The following AGPAT2 variants were observed in gnomAD, a reference collection of about 807,000 sequenced individuals.
The protein encoded by AGPAT2 is 1-acylglycerol-3-phosphate O-acyltransferase 2, also known as 1-acyl-sn-glycerol-3-phosphate acyltransferase beta.
Under a neutral mutation model 26.1 loss-of-function variants are expected in AGPAT2, and 18 were observed. The observed-to-expected ratio is 0.69, with a 90% confidence interval of 0.48 to 1.02. AGPAT2 has a LOEUF of 1.02. AGPAT2 is among the 50% of genes least tolerant of loss of function. The pLI, the probability that AGPAT2 is intolerant of heterozygous loss-of-function variation, is 0.00. For missense variants in AGPAT2, 415 were observed against 394.9 expected (o/e 1.05, Z -0.43); for synonymous variants, 200 against 174.2 (o/e 1.15, Z -1.16).
chr9:136,687,227 G>A lies in AGPAT2; in HGVS notation c.131C>T (p.Ala44Val). The change falls in exon 1 of 6, where the codon GCC (alanine) becomes GTC (valine). Residue 44 changes from alanine (A) to valine (V), a missense_variant. Coordinates refer to ENST00000371696, the MANE Select transcript of AGPAT2 (RefSeq NM_006412.4). ...GTGGCGCAGCAGGCAGACGAGCGAGGCCACGGCGGACACCGTGAAGCACAG... is the reference window on the plus strand; with the variant it reads ...GTGGCGCAGCAGGCAGACGAGCGAGACCACGGCGGACACCGTGAAGCACAG... ...CALCFTVSAV[A>V]SLVCLLRHGG... 2 of 1,594,234 alleles carry A rather than the reference G, an allele frequency of 1.3e-6. No homozygotes were observed. The highest frequency in any genetic ancestry group is 1.7e-6 in the Non-Finnish European group (2 of 1,174,488).
intron 4 of AGPAT2, 35 bp downstream of exon 4, chr9:136,676,550 C>G (rs775487348): frequency 1.3e-6 from 2 of 1,581,300 alleles, no homozygotes; most frequent in Non-Finnish European, 1.7e-6. Flanking sequence ...CCTCCCCAGC[C>G]TGCACCCACC....
chr9:136,685,499 C>T (rs1011879024), intron 1 of AGPAT2, among the ~76,000 whole-genome samples: 3 of 152,184 alleles, frequency 2.0e-5, no homozygotes, highest in African/African-American at 7.2e-5. Flanking sequence ...ACGAGGAGGC[C>T]GCCGATGAAG....
chr9:136,687,005 CT>C (rs1487778172), intron 1 of AGPAT2, among the ~76,000 whole-genome samples, 170 bp downstream of exon 1: 1 of 152,096 alleles, frequency 6.6e-6, no homozygotes, highest in Non-Finnish European at 1.5e-5. Flanking sequence ...CCGGGACCCC[CT>C]GACTCCGGGA....
Position 136,687,191 on chromosome 9 carries a change from G to A in AGPAT2, c.167C>T (p.Thr56Met). 2 of 1,587,956 alleles carry A rather than the reference G, an allele frequency of 1.3e-6. No homozygotes were observed. Among genetic ancestry groups the A allele is most frequent in the East Asian group, 2.4e-5 (1 of 42,444 alleles). ...LVCLLRHGGR[T>M]VENMSIIGWF... Reference sequence around the variant, plus strand: ...CCGGCCTTGCCTCATGTTCTCCACCGTCCGGCCGCCGTGGCGCAGCAGGCA... The same window carrying A: ...CCGGCCTTGCCTCATGTTCTCCACCATCCGGCCGCCGTGGCGCAGCAGGCA... Residue 56 changes from threonine (T) to methionine (M), a missense_variant, in exon 1 of 6, where the codon ACG becomes ATG. Transcript: ENST00000371696.
chr9:136,679,871 G>C (rs191485593), intron 1 of AGPAT2, among the ~76,000 whole-genome samples: 1 of 152,290 alleles, frequency 6.6e-6, no homozygotes, highest in African/African-American at 2.4e-5. Flanking sequence ...CCCGGCCAGA[G>C]CCCTGAGGAA....
intron 1 of AGPAT2, among the ~76,000 whole-genome samples, chr9:136,679,616 A>G (rs1208947860): frequency 2.6e-5 from 4 of 152,208 alleles, no homozygotes; most frequent in African/African-American, 9.7e-5. Context: ...CAAGAAGACG[A>G]GGAGGCAAAA....
chr9:136,683,082 G>GGGGGGGGA (rs1588267940), intron 1 of AGPAT2, among the ~76,000 whole-genome samples: 1 of 132,518 alleles, frequency 7.5e-6, no homozygotes, highest in Non-Finnish European at 1.6e-5. Flanking sequence ...GGGAGGGGGG[G>GGGGGGGGA]AAGAATCCAA....
intron 3 of AGPAT2, 96 bp from the exon 4 acceptor site, chr9:136,676,776 A>G: frequency 7.4e-7 from 1 of 1,359,928 alleles, no homozygotes; most frequent in South Asian, 1.2e-5. Flanking sequence ...TTCGCAAAGC[A>G]GCTGGCATGG....
intron 3 of AGPAT2, 84 bp from the exon 4 acceptor site, chr9:136,676,764 A>C: frequency 2.8e-6 from 4 of 1,414,880 alleles, no homozygotes; most frequent in Non-Finnish European, 4.0e-6. Flanking sequence ...AAGAAGCCCC[A>C]CTTCGCAAAG....
chr9:136,674,075 G>A, intron 5 of AGPAT2, 148 bp from the exon 6 acceptor site: 1 of 758,878 alleles, frequency 1.3e-6, no homozygotes, highest in Non-Finnish European at 2.0e-6. Context: ...CCTAGCCGTG[G>A]TGGGTTATTT....
intron 2 of AGPAT2, 66 bp downstream of exon 2, chr9:136,677,357 C>T: frequency 6.2e-7 from 1 of 1,610,848 alleles, no homozygotes; most frequent in Non-Finnish European, 8.5e-7. Context: ...GGGACCCAGC[C>T]CCACACAGCC....
At position 136,687,377 on chromosome 9, in the gene AGPAT2, C is replaced by T. The variant is rs755259665; in HGVS notation, c.-20G>A. On this transcript the variant is annotated 5_prime_UTR_variant, in exon 1 of 6. Coordinates refer to ENST00000371696, the MANE Select transcript of AGPAT2 (RefSeq NM_006412.4). ...CTCCATGGCCCGGCCCGGCGCCCGA[C>T]GGCGCCGCCAGCTCGCTCCCGCTCC... 8 of 1,442,480 alleles carry T rather than the reference C, an allele frequency of 5.5e-6. No individual in the cohort carries two copies. Among genetic ancestry groups the T allele is most frequent in the Admixed American group, 2.9e-5 (1 of 33,902 alleles). The allele number at this position is 1,442,480 out of a possible 1,614,324, so 89.4% of individuals were successfully genotyped here. A position where few individuals can be genotyped will look rare whatever the true frequency, so the allele number is the denominator to read the frequency against.
chr9:136,686,171 T>G (rs1231121946), intron 1 of AGPAT2, among the ~76,000 whole-genome samples: 7 of 152,162 alleles, frequency 4.6e-5, no homozygotes, highest in African/African-American at 1.7e-4. Flanking sequence ...CTCAGTGCCC[T>G]CCCAGGGCTG....
At position 136,673,813 on chromosome 9, in the gene AGPAT2, A is replaced by G. The variant is rs1011578726; in HGVS notation, c.776T>C (p.Ile259Thr). 16 of 1,606,098 alleles carry G rather than the reference A, an allele frequency of 1.0e-5. No individual in the cohort carries two copies. The highest frequency in any genetic ancestry group is 1.7e-5 in the Admixed American group (1 of 59,380). ...CCCGTTCTCCTGGGGGGTCTTGGAG[A>G]TGTGGAGGAAGGTGGTCCTCATGGC... is the stretch of plus-strand genomic sequence containing the variant. ...HRAMRTTFLH[I>T]SKTPQENGAT... The change falls in exon 6 of 6, where the codon ATC becomes ACC. Residue 259 changes from isoleucine to threonine, a missense_variant. Coordinates refer to ENST00000371696, the MANE Select transcript of AGPAT2 (RefSeq NM_006412.4).
rs556321858 is a variant in AGPAT2 at position 136,679,629 on chromosome 9, C to A, written c.183-2073G>T. 2.0e-5 allele frequency among the ~76,000 whole-genome samples: 3 copies of A among 152,322 alleles called. No individual in the cohort carries two copies. The East Asian group carries it at 5.8e-4, about 29-fold the overall frequency. On this transcript the variant is annotated intron_variant, in intron 1 of 5. Coordinates refer to ENST00000371696, the MANE Select transcript of AGPAT2 (RefSeq NM_006412.4). ...TCCAAGAAGACGAGGAGGCAAAAGCCGGCAGTTCACCAACAGGAAACACAG... is the reference window on the plus strand; with the variant it reads ...TCCAAGAAGACGAGGAGGCAAAAGCAGGCAGTTCACCAACAGGAAACACAG...
chr9:136,679,912 G>A (rs1293616373), intron 1 of AGPAT2, among the ~76,000 whole-genome samples: 33 of 152,224 alleles, frequency 2.2e-4, no homozygotes. Flanking sequence ...GAATCTTCCA[G>A]GAATTCGCCC....
chr9:136,686,599 A>C (rs1846224077), intron 1 of AGPAT2, among the ~76,000 whole-genome samples: 1 of 152,176 alleles, frequency 6.6e-6, no homozygotes, highest in Non-Finnish European at 1.5e-5. Context: ...CGCGCTCCCC[A>C]GCACGGAAGC....
intron 2 of AGPAT2, 122 bp downstream of exon 2, chr9:136,677,301 G>A: frequency 1.3e-6 from 2 of 1,544,306 alleles, no homozygotes; most frequent in Non-Finnish European, 1.8e-6. Flanking sequence ...GGGAGGTACT[G>A]AGGCCGAGCT....
chr9:136,687,032 G>A, intron 1 of AGPAT2, 144 bp downstream of exon 1: 2 of 927,774 alleles, frequency 2.2e-6, no homozygotes, highest in Non-Finnish European at 3.1e-6. Context: ...TCCTGTGCCT[G>A]CCGCCGGCCC....
Sources: allele counts gnomAD v4.1 joint callset (sites outside exome capture counted in the v4.1 genomes callset), GRCh38; gene constraint gnomAD v4.1.1; transcripts MANE v1.5; gene names NCBI Gene and HGNC (gene_info 2026-07-23, HGNC 2026-07-21).